Variants in ERC1 observed in about 807,000 individuals in gnomAD.
ERC1 encodes the protein ELKS/RAB6-interacting/CAST family member 1.
ERC1 carries 56 observed loss-of-function variants against 132.0 expected under a neutral mutation model. That is an observed-to-expected ratio of 0.42 (90% CI 0.34 to 0.53). The LOEUF (loss-of-function observed/expected upper bound fraction) is 0.53. Among genes scored for constraint, ERC1 ranks in the 20% least tolerant of loss-of-function variants. The probability of loss-of-function intolerance (pLI) is 0.03; values close to 1 mark genes in which losing one functional copy is unlikely to be tolerated. For missense variants in ERC1, 1,202 were observed against 1,349.9 expected, an observed-to-expected ratio of 0.89 and a Z score of 1.72; for synonymous variants, 478 against 476.1, an observed-to-expected ratio of 1.00 and a Z score of -0.05.
intron 7 of ERC1, 87 bp from the exon 8 acceptor site, chr12:1,141,533 C>CT: frequency 8.9e-7 from 1 of 1,123,506 alleles, no homozygotes; most frequent in Middle Eastern, 2.6e-4. Context: ...AACTCAACCT[C>CT]TTTATAACCT....
At chr12:1,286,869 A>G (rs1190769204) in intron 14 of ERC1, among the ~76,000 whole-genome samples, 1 of 152,236 alleles carries the variant, frequency 6.6e-6, no homozygotes, top group Non-Finnish European at 1.5e-5. Flanking sequence ...ATTAAACTTT[A>G]TGAAAGATAT....
intron 16 of ERC1, chr12:1,391,489 CG>C (rs2089957566): frequency 6.6e-6 from 1 of 152,512 alleles, no homozygotes; most frequent in Non-Finnish European, 1.5e-5. Flanking sequence ...CCAGGAGACA[CG>C]GCTGTTACTG....
intron 13 of ERC1, among the ~76,000 whole-genome samples, chr12:1,255,060 A>G (rs2076703886): frequency 6.6e-6 from 1 of 151,702 alleles, no homozygotes; most frequent in African/African-American, 2.4e-5. Flanking sequence ...TGTCACCTAC[A>G]TTAGCTATTT....
rs1481236723 is a variant in ERC1 at position 1,112,283 on chromosome 12, T to C, written c.1386T>C (p.Ala462=). ...GGGAGGAGCTGAAAAAGAAAGCGGC[T>C]GGTCTTCAGGCTGAGGTCTTTGCCG... is the stretch of plus-strand genomic sequence containing the variant. ...AQWEELKKKA[A]GLQAEIGQVK... Residue 462 remains alanine (A), a synonymous_variant, in exon 6 of 19, where the codon GCT becomes GCC. Coordinates refer to ENST00000360905, the MANE Select transcript of ERC1 (RefSeq NM_178040.4). 1 of 1,612,874 alleles carries C rather than the reference T, an allele frequency of 6.2e-7. No individual in the cohort carries two copies. Among genetic ancestry groups the C allele is most frequent in the Non-Finnish European group, 8.5e-7 (1 of 1,179,012 alleles).
chr12:1,142,720 A>G (rs1292246935), intron 8 of ERC1, among the ~76,000 whole-genome samples: 1 of 152,220 alleles, frequency 6.6e-6, no homozygotes, highest in African/African-American at 2.4e-5. Flanking sequence ...CTTTCATTGT[A>G]AGTAAAGTCG....
chr12:1,296,694 C>T (rs1456615538), intron 15 of ERC1, among the ~76,000 whole-genome samples: 1 of 152,046 alleles, frequency 6.6e-6, no homozygotes, highest in Admixed American at 6.5e-5. Flanking sequence ...GCCACCGTGC[C>T]CAGCCTATTG....
intron 3 of ERC1, 127 bp downstream of exon 3, chr12:1,083,707 A>G (rs1942561244): frequency 4.2e-6 from 3 of 707,680 alleles, no homozygotes; most frequent in Admixed American, 2.8e-5. Context: ...CATCCTTTGT[A>G]TTTAAGTGCG....
chr12:1,464,494 G>A (rs1290686466), intron 18 of ERC1, among the ~76,000 whole-genome samples: 1 of 142,878 alleles, frequency 7.0e-6, no homozygotes, highest in African/African-American at 2.6e-5. Flanking sequence ...CAGCTTTGCA[G>A]CAAAGAATGC....
chr12:1,137,911 GTATTATA>G (rs1426191253), intron 7 of ERC1, among the ~76,000 whole-genome samples: 1 of 135,878 alleles, frequency 7.4e-6, no homozygotes, highest in African/African-American at 2.7e-5. Flanking sequence ...TTATTTATAT[GTATTATA>G]TAATACATAT....
chr12:1,263,665 G>A (rs1479179513), intron 14 of ERC1, among the ~76,000 whole-genome samples: 1 of 151,906 alleles, frequency 6.6e-6, no homozygotes, highest in Non-Finnish European at 1.5e-5. Context: ...GAAAAAACAT[G>A]AACGTTTCTC....
intron 13 of ERC1, among the ~76,000 whole-genome samples, chr12:1,251,626 A>G (rs1236433802): frequency 6.6e-6 from 1 of 151,992 alleles, no homozygotes; most frequent in African/African-American, 2.4e-5. Context: ...GCTTTTAAAA[A>G]CTCCTATCTC....
At chr12:1,319,815 T>G (rs1361889427) in intron 15 of ERC1, among the ~76,000 whole-genome samples, 2 of 152,206 alleles carry the variant, frequency 1.3e-5, no homozygotes, top group Non-Finnish European at 2.9e-5. Context: ...ATTTAAATTC[T>G]GTATTTTTTT....
intron 18 of ERC1, among the ~76,000 whole-genome samples, chr12:1,453,145 A>G (rs2093461098): frequency 6.6e-6 from 1 of 152,190 alleles, no homozygotes; most frequent in Non-Finnish European, 1.5e-5. Flanking sequence ...TTCCTGCTCC[A>G]GTCTTGGTCT....
intron 17 of ERC1, among the ~76,000 whole-genome samples, chr12:1,419,761 C>T (rs1024280160): frequency 2.6e-5 from 4 of 151,394 alleles, no homozygotes; most frequent in Admixed American, 2.0e-4. Context: ...CACTCCTAAA[C>T]TGTGCACTTC....
chr12:1,358,658 A>G (rs539495481), intron 15 of ERC1, among the ~76,000 whole-genome samples: 2 of 152,334 alleles, frequency 1.3e-5, no homozygotes, highest in South Asian at 2.1e-4. Flanking sequence ...CAAATCTGAT[A>G]CCATGTAATA....
intron 12 of ERC1, among the ~76,000 whole-genome samples, chr12:1,209,207 G>C (rs1382491270): frequency 6.6e-6 from 1 of 151,974 alleles, no homozygotes; most frequent in Admixed American, 6.6e-5. Context: ...GACCTCAGAT[G>C]ATCCACCCGC....
intron 15 of ERC1, among the ~76,000 whole-genome samples, chr12:1,330,631 C>T (rs1233077006): frequency 6.6e-6 from 1 of 152,052 alleles, no homozygotes; most frequent in Non-Finnish European, 1.5e-5. Flanking sequence ...TTCTCTCTTC[C>T]CCTTCCCTAA....
chr12:1,182,532 A>G (rs751367599), intron 10 of ERC1, among the ~76,000 whole-genome samples: 34 of 152,208 alleles, frequency 2.2e-4, no homozygotes, highest in Non-Finnish European at 4.6e-4. Flanking sequence ...GCCTCATGCT[A>G]TGTAATCAGA....
chr12:1,050,993 G>A (rs577978476), intron 2 of ERC1, among the ~76,000 whole-genome samples: 237 of 151,626 alleles, frequency 1.6e-3, no homozygotes, highest in African/African-American at 5.6e-3. Flanking sequence ...AACAGAGTGA[G>A]ACTCAGTCTC....
Sources: gnomAD v4.1 joint callset for allele counts (sites outside exome capture counted in the v4.1 genomes callset) on GRCh38, gnomAD v4.1.1 for gene constraint, MANE v1.5 for transcripts, NCBI Gene and HGNC (gene_info 2026-07-23, HGNC 2026-07-21) for gene names.